Variants in OTOP2 observed in about 807,000 individuals in gnomAD.
OTOP2 encodes otopetrin 2, also known as proton channel OTOP2.
Under a neutral mutation model 47.4 loss-of-function variants are expected in OTOP2, and 41 were observed. The observed-to-expected ratio is 0.87, with a 90% CI of 0.67 to 1.12. OTOP2 has a LOEUF of 1.12. Ranked by LOEUF, OTOP2 falls within the 50% of genes most tolerant of loss-of-function variation. OTOP2 has a pLI of 0.00. For synonymous variants in OTOP2, 328 were observed against 319.6 expected (o/e 1.03, Z -0.28); for missense variants, 721 against 752.2 (o/e 0.96, Z 0.49).
At position 74,933,496 on chromosome 17, in the gene OTOP2, A is replaced by C. The variant is rs774162684; in HGVS notation, c.1640A>C (p.Tyr547Ser). The C allele has an allele frequency of 6.2e-7, 1 of 1,613,906 alleles. No individual in the cohort carries two copies. Among genetic ancestry groups the C allele is most frequent in the South Asian group, 1.1e-5 (1 of 91,066 alleles). The change falls in exon 7 of 7, where the codon TAC becomes TCC. Residue 547 changes from tyrosine to serine, a missense_variant. Transcript: ENST00000331427. The surrounding 1 kb of genome is among the most constrained non-coding windows in gnomAD (Gnocchi z 4.7). ...ATCTGCCTCCCTTTCGGCATCTTCT[A>C]CCGCATGCACGCTGTGTCCAGCCTG... ...VNICLPFGIFYRMHAVSSLLE... is the reference protein window; with the variant it reads ...VNICLPFGIFSRMHAVSSLLE...
chr17:74,929,785 G>T (rs2039038874), intron 5 of OTOP2, among the ~76,000 whole-genome samples: 1 of 152,236 alleles, frequency 6.6e-6, no homozygotes, highest in Non-Finnish European at 1.5e-5. Context: ...AGGTGCTCAA[G>T]AAATATTTGT....
intron 3 of OTOP2, among the ~76,000 whole-genome samples, chr17:74,926,102 C>T (rs1293890431): frequency 6.6e-6 from 1 of 152,190 alleles, no homozygotes; most frequent in African/African-American, 2.4e-5. Context: ...TAGCCTGTAA[C>T]TGGGATTTCT....
chr17:74,924,775 G>A lies in OTOP2; in HGVS notation c.143G>A (p.Ser48Asn), dbSNP rs756898818. 6.2e-7 allele frequency: 1 copy of A among 1,610,942 alleles called. No homozygotes were observed. The highest frequency in any genetic ancestry group is 1.1e-5 in the South Asian group (1 of 90,600). ...NVLLLACTLI[S>N]GGAFNKVAVY... ...CTGCTCCTCGCCTGCACGCTCATCA[G>A]CGGCGGAGCCTTCAACAAGGTGGCC... Residue 48 changes from serine to asparagine, a missense_variant, in exon 2 of 7, where the codon AGC (serine) becomes AAC (asparagine). Physicochemically the swap from Ser to Asn is conservative, Grantham distance 46. Transcript: ENST00000331427. This position sits in a 1 kb window ranked among gnomAD's most constrained non-coding sequence, Gnocchi z 7.7.
chr17:74,927,411 T>G lies in OTOP2; in HGVS notation c.509+130T>G, dbSNP rs1042167993. 4 of 1,191,364 alleles carry G rather than the reference T, an allele frequency of 3.4e-6. No individual in the cohort carries two copies. The African/African-American group carries it at 6.0e-5, about 18-fold the overall frequency. 73.8% of individuals were successfully genotyped at this position (1,191,364 alleles called of 1,614,324 possible). A position where few individuals can be genotyped will look rare whatever the true frequency, so the allele number is the denominator to read the frequency against. ...GGTGGGGTTGCAGCCAAGCCCTCCT[T>G]GCTTTGTCAGGCTGACTTCCACTAC... On this transcript the variant is annotated intron_variant, in intron 4 of 6. Coordinates refer to ENST00000331427, the MANE Select transcript of OTOP2 (RefSeq NM_178160.3).
chr17:74,925,741 C>G, intron 3 of OTOP2, 49 bp downstream of exon 3: 1 of 1,609,586 alleles, frequency 6.2e-7, no homozygotes. Context: ...AACACTTGGC[C>G]ATTGGGAAGG....
In OTOP2 at chr17:74,925,489, A is replaced by G. The variant is rs1445708943; in HGVS notation, c.314-67A>G. 3 of 1,583,904 alleles carry G rather than the reference A, an allele frequency of 1.9e-6. No homozygotes were observed. The Admixed American group carries it at 5.1e-5, about 27-fold the overall frequency. On this transcript the variant is annotated intron_variant, in intron 2 of 6. Coordinates refer to ENST00000331427, the MANE Select transcript of OTOP2 (RefSeq NM_178160.3). Reference sequence around the variant, plus strand: ...CCTCCCATCCTCAGGGCCTGTCCTCAGCTCGGCAGGCCTTCTCTCCTGCCT... The same window carrying G: ...CCTCCCATCCTCAGGGCCTGTCCTCGGCTCGGCAGGCCTTCTCTCCTGCCT...
In OTOP2 at chr17:74,931,085, C is replaced by T. The variant is rs1210880166; in HGVS notation, c.1450C>T (p.Pro484Ser). The change falls in exon 6 of 7, where the codon CCC becomes TCC. Residue 484 changes from proline (P) to serine (S), a missense_variant. Transcript: ENST00000331427. ...QREAVAIVST[P>S]RSQWRRQCLK... ...GGAAGCAGTGGCCATCGTCTCAACCCCCAGAAGCCAGTGGAGACGCCAGTG... is the reference window on the plus strand; with the variant it reads ...GGAAGCAGTGGCCATCGTCTCAACCTCCAGAAGCCAGTGGAGACGCCAGTG... 1.9e-6 allele frequency: 3 copies of T among 1,614,054 alleles called. No homozygotes were observed. The highest frequency in any genetic ancestry group is 2.2e-5 in the South Asian group (2 of 91,054).
intron 5 of OTOP2, among the ~76,000 whole-genome samples, chr17:74,929,776 GGT>G (rs1409648083): frequency 6.6e-6 from 1 of 152,222 alleles, no homozygotes; most frequent in Non-Finnish European, 1.5e-5. Flanking sequence ...GCACACAGTA[GGT>G]GCTCAAGAAA....
At chr17:74,926,473 A>C (rs2039009172) in intron 3 of OTOP2, among the ~76,000 whole-genome samples, 2 of 152,162 alleles carry the variant, frequency 1.3e-5, no homozygotes, top group South Asian at 4.1e-4. Flanking sequence ...GAAGAGGATG[A>C]GCAGGGGATG....
rs2039016219 is a variant in OTOP2, at chr17:74,927,267, C to T, written c.495C>T (p.His165=). The change falls in exon 4 of 7, where the codon CAC becomes CAT. Residue 165 remains histidine (H), a synonymous_variant. Coordinates refer to ENST00000331427, the MANE Select transcript of OTOP2 (RefSeq NM_178160.3). The part of the protein sequence containing the change: ...WVSAKDCVHV[H]LDLTWCGLMF... Reference sequence around the variant, plus strand: ...CTGCTAAAGACTGCGTTCACGTCCACCTGGATCTGACCTGGTGAGAACTGC... The same window carrying T: ...CTGCTAAAGACTGCGTTCACGTCCATCTGGATCTGACCTGGTGAGAACTGC... 6.2e-7 allele frequency: 1 copy of T among 1,613,296 alleles called. No homozygotes were observed. The highest frequency in any genetic ancestry group is 1.3e-5 in the African/African-American group (1 of 74,936).
rs748291306 is a variant in OTOP2 at position 74,930,376 on chromosome 17, C to T, written c.741C>T (p.Asn247=). 4 of 1,614,212 alleles carry T rather than the reference C, an allele frequency of 2.5e-6. No individual in the cohort carries two copies. The Admixed American group carries it at 6.7e-5, about 27-fold the overall frequency. Residue 247 remains asparagine, a synonymous_variant, in exon 6 of 7, where the codon AAC becomes AAT. Coordinates refer to ENST00000331427, the MANE Select transcript of OTOP2 (RefSeq NM_178160.3). This position sits in a 1 kb window ranked among gnomAD's most constrained non-coding sequence, Gnocchi z 4.0. Reference sequence around the variant, plus strand: ...GGTACTTCTACCTATATCCCTTCAACATCGAGTACAGCCTCTTCGCCTCCA... The same window carrying T: ...GGTACTTCTACCTATATCCCTTCAATATCGAGTACAGCCTCTTCGCCTCCA... The part of the protein sequence containing the change: ...QQGYFYLYPF[N]IEYSLFASTM...
chr17:74,933,292 A>C lies in OTOP2; in HGVS notation c.1519-83A>C. On this transcript the variant is annotated intron_variant, in intron 6 of 6. Transcript: ENST00000331427. This position sits in a 1 kb window ranked among gnomAD's most constrained non-coding sequence, Gnocchi z 4.7. ...AAGCTAGAAGGATGGGCCGCCATCT[A>C]GCCACGGCCCAGCAAAACCCACAGA... 6.7e-7 allele frequency: 1 copy of C among 1,495,398 alleles called. No individual in the cohort carries two copies. The highest frequency in any genetic ancestry group is 9.1e-7 in the Non-Finnish European group (1 of 1,101,744). 92.6% of individuals were successfully genotyped at this position (1,495,398 alleles called of 1,614,324 possible). A position where few individuals can be genotyped will look rare whatever the true frequency, so the allele number is the denominator to read the frequency against.
At chr17:74,931,620 A>G (rs988228062) in intron 6 of OTOP2, among the ~76,000 whole-genome samples, 6 of 152,198 alleles carry the variant, frequency 3.9e-5, no homozygotes, top group Non-Finnish European at 7.3e-5. Context: ...GAGGGCATCT[A>G]CAACAGCCAC....
Position 74,927,280 on chromosome 17 carries a change from T to C in OTOP2, c.508T>C (p.Trp170Arg). ...DCVHVHLDLT[W>R]CGLMFTLTTN... ...CGTTCACGTCCACCTGGATCTGACCTGGTGAGAACTGCAGCTCGATGCCTG... is the reference window on the plus strand; with the variant it reads ...CGTTCACGTCCACCTGGATCTGACCCGGTGAGAACTGCAGCTCGATGCCTG... The change falls in exon 4 of 7, where the codon TGG becomes CGG. Residue 170 changes from tryptophan (W) to arginine (R), a missense_variant and splice_region_variant. Trp to Arg is a moderately radical substitution (Grantham distance 101). Coordinates refer to ENST00000331427, the MANE Select transcript of OTOP2 (RefSeq NM_178160.3). 6.2e-7 allele frequency: 1 copy of C among 1,612,084 alleles called. No homozygotes were observed. The highest frequency in any genetic ancestry group is 8.5e-7 in the Non-Finnish European group (1 of 1,178,372).
chr17:74,925,087 T>C, intron 2 of OTOP2, 142 bp downstream of exon 2: 1 of 1,088,134 alleles, frequency 9.2e-7, no homozygotes, highest in Non-Finnish European at 1.3e-6. Flanking sequence ...GAGGGTGAAG[T>C]GGGCTGCAGT....
intron 6 of OTOP2, among the ~76,000 whole-genome samples, chr17:74,932,127 C>T (rs1027539386): frequency 3.9e-5 from 6 of 152,048 alleles, no homozygotes; most frequent in Non-Finnish European, 4.4e-5. Context: ...CTTATTATTA[C>T]CTCTGATATA....
chr17:74,932,950 G>C (rs1433002657), intron 6 of OTOP2, among the ~76,000 whole-genome samples: 1 of 152,200 alleles, frequency 6.6e-6, no homozygotes, highest in Non-Finnish European at 1.5e-5. Flanking sequence ...GTGGCCTTCT[G>C]TCTGAACCCC....
chr17:74,925,790 C>G (rs1189097236), intron 3 of OTOP2, 98 bp downstream of exon 3: 5 of 1,530,334 alleles, frequency 3.3e-6, no homozygotes, highest in Middle Eastern at 1.7e-4. Flanking sequence ...CCATCCGCCT[C>G]GTATCCTGAG....
rs555784182 is a variant in OTOP2 at position 74,930,703 on chromosome 17, C to A, written c.1068C>A (p.Ala356=). 6.2e-7 allele frequency: 1 copy of A among 1,614,086 alleles called. No individual in the cohort carries two copies. Among genetic ancestry groups the A allele is most frequent in the African/African-American group, 1.3e-5 (1 of 75,006 alleles). ...TCATCTACCGTTTTGACCGCCGGGC[C>A]ATGGACCACCATAAGAACCCCACGC... ...GSIIYRFDRR[A]MDHHKNPTRT... Residue 356 remains alanine, a synonymous_variant, in exon 6 of 7, where the codon GCC becomes GCA. Transcript: ENST00000331427. The surrounding 1 kb of genome is among the most constrained non-coding windows in gnomAD (Gnocchi z 4.0).
Sources: allele counts gnomAD v4.1 joint callset (sites outside exome capture counted in the v4.1 genomes callset), GRCh38; gene constraint gnomAD v4.1.1; non-coding constraint Gnocchi (gnomAD v3.1); transcripts MANE v1.5; gene names NCBI Gene and HGNC (gene_info 2026-07-23, HGNC 2026-07-21).